Variants in VWF observed in about 807,000 individuals in gnomAD.
VWF encodes Factor VIII related antigen.
Under a neutral mutation model 308.6 loss-of-function variants are expected in VWF, and 176 were observed. The ratio of observed to expected loss-of-function variants is 0.57; its 90% confidence interval spans 0.50 to 0.65. VWF has a LOEUF of 0.65. VWF is among the 30% of genes least tolerant of loss of function. The pLI, the probability that VWF is intolerant of heterozygous loss-of-function variation, is 0.00. For missense variants in VWF, 3,146 were observed against 3,648.2 expected (o/e 0.86, Z 3.55); for synonymous variants, 1,385 against 1,443.4 (o/e 0.96, Z 0.92).
rs775987118 is a variant in VWF, at chr12:5,996,144, T to C, written c.5921A>G (p.Tyr1974Cys). ...QNFKLTGSCS[Y>C]VLFQNKEQDL... ...CTGCTCCTTGTTTTGAAATAGGACA[T>C]AAGAACAGCTGCCAGTCAGCTTGAA... The change falls in exon 35 of 52, where the codon TAT (tyrosine) becomes TGT (cysteine). Residue 1974 changes from tyrosine to cysteine, a missense_variant. Tyr to Cys is a radical substitution (Grantham distance 194). Coordinates refer to ENST00000261405, the MANE Select transcript of VWF (RefSeq NM_000552.5). 5.0e-6 allele frequency: 8 copies of C among 1,613,952 alleles called. No homozygotes were observed. The Admixed American group carries it at 5.0e-5, about 10-fold the overall frequency.
intron 34 of VWF, among the ~76,000 whole-genome samples, chr12:5,998,508 T>A (rs1388882959): frequency 1.5e-3 from 66 of 45,062 alleles, no homozygotes; most frequent in African/African-American, 2.3e-3. Flanking sequence ...AATATATATA[T>A]ATATATATAT....
intron 20 of VWF, 100 bp downstream of exon 20, chr12:6,034,588 G>C: frequency 6.3e-7 from 1 of 1,580,110 alleles, no homozygotes; most frequent in Non-Finnish European, 8.7e-7. Context: ...AGACCCCAGA[G>C]TTGTTTCTGC....
chr12:6,057,311 A>ATTTTTTTTTTTCTTTT (rs1407594065), intron 14 of VWF, among the ~76,000 whole-genome samples: 2 of 129,390 alleles, frequency 1.5e-5, no homozygotes, highest in African/African-American at 6.1e-5. Flanking sequence ...GGACTATGGA[A>ATTTTTTTTTTTCTTTT]TTTTTTTTTT....
chr12:6,109,713 C>T (rs563238698), intron 5 of VWF, among the ~76,000 whole-genome samples: 20 of 152,134 alleles, frequency 1.3e-4, no homozygotes, highest in African/African-American at 2.9e-4. Context: ...TGAAGCGGCA[C>T]GATCACTGCT....
Position 6,064,269 on chromosome 12 carries a change from T to C in VWF, c.1409A>G (p.Asp470Gly). Residue 470 changes from aspartate to glycine, a missense_variant, in exon 12 of 52, where the codon GAC becomes GGC. Transcript: ENST00000261405. ...ACCTTTCAGGAGGGGGAGCTGGACGTCCTGGCCATCCATGGCAACTCCTGC... is the reference window on the plus strand; with the variant it reads ...ACCTTTCAGGAGGGGGAGCTGGACGCCCTGGCCATCCATGGCAACTCCTGC... Reference protein sequence around the residue: ...HGAGVAMDGQDVQLPLLKGDL... With the variant: ...HGAGVAMDGQGVQLPLLKGDL... 4 of 1,614,122 alleles carry C rather than the reference T, an allele frequency of 2.5e-6. No individual in the cohort carries two copies. Among genetic ancestry groups the C allele is most frequent in the Non-Finnish European group, 3.4e-6 (4 of 1,180,026 alleles).
intron 46 of VWF, 39 bp downstream of exon 46, chr12:5,968,088 T>C (rs773277592): frequency 6.2e-7 from 1 of 1,613,680 alleles, no homozygotes; most frequent in Admixed American, 1.7e-5. Context: ...CCCTTCCCTG[T>C]CCCCACCACT....
At chr12:5,952,800 C>T (rs563031610) in intron 48 of VWF, among the ~76,000 whole-genome samples, 4 of 152,320 alleles carry the variant, frequency 2.6e-5, no homozygotes, top group Admixed American at 2.6e-4. Flanking sequence ...TAGCTGATAA[C>T]TGAACTAGAG....
At chr12:6,037,713 C>T (rs1565839186) in intron 18 of VWF, among the ~76,000 whole-genome samples, 1 of 152,084 alleles carries the variant, frequency 6.6e-6, no homozygotes, top group Non-Finnish European at 1.5e-5. Flanking sequence ...GGCACCTTGG[C>T]TCCAGAGCTC....
chr12:6,023,682 C>A lies in VWF; in HGVS notation c.3328G>T (p.Val1110Leu). The A allele has an allele frequency of 1.2e-6, 2 of 1,613,910 alleles. No homozygotes were observed. The highest frequency in any genetic ancestry group is 1.7e-6 in the Non-Finnish European group (2 of 1,180,000). The change falls in exon 25 of 52, where the codon GTG becomes TTG. Residue 1110 changes from valine to leucine, a missense_variant. Coordinates refer to ENST00000261405, the MANE Select transcript of VWF (RefSeq NM_000552.5). ...ACCACCTTGCCATGCTGGGCACACA[C>A]GTGGGCATAGGCAGCAATGGTGTCG... ...FCDTIAAYAH[V>L]CAQHGKVVTW...
intron 10 of VWF, among the ~76,000 whole-genome samples, chr12:6,066,229 C>T (rs1944712619): frequency 6.6e-6 from 1 of 152,206 alleles, no homozygotes; most frequent in African/African-American, 2.4e-5. Context: ...CAGGGGGAGG[C>T]CTCTGCCAAT....
chr12:5,984,042 A>C (rs917348475), intron 40 of VWF, among the ~76,000 whole-genome samples: 4 of 151,780 alleles, frequency 2.6e-5, no homozygotes, highest in Admixed American at 6.6e-5. Context: ...ACAGACAGAT[A>C]GATCAATCCA....
At chr12:5,959,466 A>G (rs1176741525) in intron 47 of VWF, among the ~76,000 whole-genome samples, 2 of 152,202 alleles carry the variant, frequency 1.3e-5, no homozygotes, top group African/African-American at 4.8e-5. Flanking sequence ...GTAAGAACCA[A>G]TATGACCTAG....
intron 34 of VWF, among the ~76,000 whole-genome samples, chr12:6,008,167 C>A (rs1349651061): frequency 1.3e-5 from 2 of 151,922 alleles, no homozygotes; most frequent in Non-Finnish European, 2.9e-5. Flanking sequence ...AGTGGGAAAC[C>A]TACTTTATGA....
chr12:6,006,356 A>C (rs913528831), intron 34 of VWF, among the ~76,000 whole-genome samples: 1 of 152,242 alleles, frequency 6.6e-6, no homozygotes, highest in Non-Finnish European at 1.5e-5. Flanking sequence ...CAAAAAAGCT[A>C]CAAGACTGAC....
At chr12:6,061,331 G>A (rs775079098) in intron 13 of VWF, among the ~76,000 whole-genome samples, 17 of 152,100 alleles carry the variant, frequency 1.1e-4, no homozygotes, top group African/African-American at 1.7e-4. Context: ...GTAACTAAAC[G>A]ACCATGAGGC....
intron 20 of VWF, among the ~76,000 whole-genome samples, chr12:6,033,512 C>T (rs1860415): frequency 0.25 from 38,142 of 152,196 alleles, 5,110 homozygotes; most frequent in African/African-American, 0.32. Flanking sequence ...ATGGGCTGGG[C>T]AGTTGTTCTG....
chr12:5,982,022 T>C (rs1208772049), intron 41 of VWF, 31 bp from the exon 42 acceptor site: 1 of 1,608,028 alleles, frequency 6.2e-7, no homozygotes, highest in South Asian at 1.1e-5. Flanking sequence ...CACTGAGCAC[T>C]GCGCCCAGCC....
intron 2 of VWF, chr12:6,122,788 C>A: frequency 1.7e-6 from 1 of 571,524 alleles, no homozygotes; most frequent in Non-Finnish European, 3.4e-6. Context: ...TCAGTCTCTT[C>A]ATTGTACCAT....
rs114004641 is a variant in VWF, at chr12:5,965,582, C to A, written c.7887+1904G>T. 3.8e-3 allele frequency among the ~76,000 whole-genome samples: 581 copies of A among 152,360 alleles called. 3 individuals carry two copies. The highest frequency in any genetic ancestry group is 0.014 in the African/African-American group (564 of 41,586). Reference sequence around the variant, plus strand: ...CATCTCAACCACTTGTCAGCACAAACTGCCTCCTGCTGCTCTCCCTTTAGG... The same window carrying A: ...CATCTCAACCACTTGTCAGCACAAAATGCCTCCTGCTGCTCTCCCTTTAGG... On this transcript the variant is annotated intron_variant, in intron 47 of 51. Coordinates refer to ENST00000261405, the MANE Select transcript of VWF (RefSeq NM_000552.5).
Sources: gnomAD v4.1 joint callset for allele counts (sites outside exome capture counted in the v4.1 genomes callset) on GRCh38, gnomAD v4.1.1 for gene constraint, MANE v1.5 for transcripts, NCBI Gene and HGNC (gene_info 2026-07-23, HGNC 2026-07-21) for gene names.